PKHD1: variants seen among roughly 807,000 people sequenced by gnomAD.
PKHD1 encodes the protein fibrocystin.
PKHD1 carries 291 observed loss-of-function variants against 412.0 expected under a neutral mutation model. The ratio of observed to expected loss-of-function variants is 0.71; its 90% confidence interval spans 0.64 to 0.78. The LOEUF (loss-of-function observed/expected upper bound fraction) is 0.78, where lower values mean the gene tolerates loss of function less well. PKHD1 is among the 30% of genes least tolerant of loss of function. PKHD1 has a pLI of 0.00. For synonymous variants in PKHD1, 1,777 were observed against 1,821.5 expected, an observed-to-expected ratio of 0.98 and a Z score of 0.62; for missense variants, 4,825 against 4,950.7, an observed-to-expected ratio of 0.97 and a Z score of 0.76.
intron 60 of PKHD1, among the ~76,000 whole-genome samples, chr6:51,686,174 GT>G (rs1777413466): frequency 6.6e-6 from 1 of 152,090 alleles, no homozygotes; most frequent in South Asian, 2.1e-4. Context: ...AGGTGAGAAG[GT>G]TTTTGAACCC....
chr6:51,742,236 A>G (rs1216513818), intron 60 of PKHD1, among the ~76,000 whole-genome samples: 2 of 152,228 alleles, frequency 1.3e-5, no homozygotes, highest in Admixed American at 1.3e-4. Flanking sequence ...CAACCAACAC[A>G]TTAAAACGAA....
At chr6:51,634,287 G>C (rs1768265099) in intron 64 of PKHD1, among the ~76,000 whole-genome samples, 1 of 152,098 alleles carries the variant, frequency 6.6e-6, no homozygotes, top group Admixed American at 6.6e-5. Context: ...TCAATCTCTT[G>C]ACTTCTGGCT....
intron 21 of PKHD1, among the ~76,000 whole-genome samples, chr6:52,052,404 A>G (rs1807006872): frequency 6.6e-6 from 1 of 152,204 alleles, no homozygotes; most frequent in Admixed American, 6.5e-5. Context: ...TGGTCAAGGG[A>G]GAGTTCGGGA....
chr6:52,028,092 G>T, intron 30 of PKHD1, 64 bp downstream of exon 30: 1 of 1,492,508 alleles, frequency 6.7e-7, no homozygotes, highest in Non-Finnish European at 9.4e-7. Context: ...CTCAAAATTA[G>T]AATTACCTAG....
At chr6:51,958,020 C>A (rs1036958507) in intron 36 of PKHD1, among the ~76,000 whole-genome samples, 1 of 152,080 alleles carries the variant, frequency 6.6e-6, no homozygotes, top group African/African-American at 2.4e-5. Context: ...ACTCAATAAG[C>A]ATTCACAAAT....
intron 66 of PKHD1, among the ~76,000 whole-genome samples, chr6:51,624,605 T>TC (rs1767015045): frequency 1.3e-5 from 2 of 150,916 alleles, no homozygotes. Flanking sequence ...CAGGGGCGGG[T>TC]CTTTTTTTTC....
intron 55 of PKHD1, among the ~76,000 whole-genome samples, chr6:51,766,962 T>C (rs928281395): frequency 6.6e-6 from 1 of 151,864 alleles, no homozygotes; most frequent in Non-Finnish European, 1.5e-5. Context: ...TTACTTAAAT[T>C]TTCTTCAAAT....
At chr6:51,773,046 T>C (rs1790418070) in intron 54 of PKHD1, among the ~76,000 whole-genome samples, 1 of 151,980 alleles carries the variant, frequency 6.6e-6, no homozygotes, top group South Asian at 2.1e-4. Flanking sequence ...ATCTAAAAGG[T>C]GGGAAAATAG....
At position 51,659,488 on chromosome 6, in the gene PKHD1, GA is replaced by G. The variant is rs770461067; in HGVS notation, c.10637del (p.Val3546AlafsTer22). 70 of 1,613,472 alleles carry G rather than the reference GA, an allele frequency of 4.3e-5. No individual in the cohort carries two copies. The highest frequency in any genetic ancestry group is 5.8e-5 in the Non-Finnish European group (68 of 1,179,780). On this transcript the variant is annotated frameshift_variant, in exon 61 of 67. Coordinates refer to ENST00000371117, the MANE Select transcript of PKHD1 (RefSeq NM_138694.4). LOFTEE classifies it high-confidence loss of function. Reference protein sequence around the residue: ...FNIMDNLLYVVLQGEEPIEIR... With the variant: ...FNIMDNLLYVXLQGEEPIEIR... ...TTTCAATGGGCTCCTCTCCTTGTAG[GA>G]CAACATACAAGAGGTTATCCATGAT... is the stretch of plus-strand genomic sequence containing the variant.
intron 29 of PKHD1, among the ~76,000 whole-genome samples, chr6:52,028,797 C>T (rs895586300): frequency 2.0e-5 from 3 of 152,198 alleles, no homozygotes; most frequent in African/African-American, 7.2e-5. Flanking sequence ...CAGGGGTAAG[C>T]CACCTTGCCT....
chr6:51,729,710 C>T (rs1337433703), intron 60 of PKHD1, among the ~76,000 whole-genome samples: 3 of 152,090 alleles, frequency 2.0e-5, no homozygotes, highest in Admixed American at 2.0e-4. Context: ...CCCAACACTG[C>T]AAATTATCAC....
chr6:52,070,328 A>C lies in PKHD1; in HGVS notation c.707+78T>G, dbSNP rs192112393. The stretch of plus-strand genomic sequence containing the variant: ...TAACATTTTCCGTCATAAAAAGATA[A>C]AGAAAGTAAGCAAGATGAGAGAGAT... On this transcript the variant is annotated intron_variant, in intron 10 of 66. Transcript: ENST00000371117. 3.4e-5 allele frequency: 32 copies of C among 931,040 alleles called. No homozygotes were observed. The African/African-American group carries it at 4.6e-4, about 13-fold the overall frequency. 57.7% of individuals were successfully genotyped at this position (931,040 alleles called of 1,614,324 possible).
chr6:51,874,632 A>G (rs1375683848), intron 46 of PKHD1, among the ~76,000 whole-genome samples: 1 of 152,202 alleles, frequency 6.6e-6, no homozygotes, highest in African/African-American at 2.4e-5. Flanking sequence ...AAATTCTTTA[A>G]AAGTCTTAAT....
chr6:51,627,032 TG>T lies in PKHD1; in HGVS notation c.11749del (p.Gln3917LysfsTer14), dbSNP rs1375939258. Reference sequence around the variant, plus strand: ...CACAGTGTCTTCTTTTTTGGGCCCTTGTGATTCTCGGCGTTTGGATGAGATG... The same window carrying T: ...CACAGTGTCTTCTTTTTTGGGCCCTTTGATTCTCGGCGTTTGGATGAGATG... ...IHISSKRRES[Q>X]GPKKEDTVVG... On this transcript the variant is annotated frameshift_variant, in exon 66 of 67. Coordinates refer to ENST00000371117, the MANE Select transcript of PKHD1 (RefSeq NM_138694.4). LOFTEE classifies it low-confidence loss of function (END_TRUNC). The T allele has an allele frequency of 6.2e-7, 1 of 1,612,686 alleles. No homozygotes were observed. The highest frequency in any genetic ancestry group is 1.1e-5 in the South Asian group (1 of 91,056).
intron 35 of PKHD1, among the ~76,000 whole-genome samples, chr6:52,009,928 C>T (rs960180407): frequency 1.3e-5 from 2 of 152,038 alleles, no homozygotes; most frequent in Admixed American, 1.3e-4. Flanking sequence ...TCCCGCCAAG[C>T]TGAGGACGGC....
intron 33 of PKHD1, among the ~76,000 whole-genome samples, chr6:52,020,123 C>T (rs1307192729): frequency 6.6e-6 from 1 of 152,032 alleles, no homozygotes; most frequent in Non-Finnish European, 1.5e-5. Flanking sequence ...TTCAAAGCGA[C>T]CTTGGTAAAT....
intron 37 of PKHD1, among the ~76,000 whole-genome samples, chr6:51,915,816 G>T (rs958143756): frequency 1.3e-5 from 2 of 151,998 alleles, no homozygotes; most frequent in African/African-American, 4.8e-5. Context: ...CATGAAAGAT[G>T]CCTCATGGTG....
intron 43 of PKHD1, among the ~76,000 whole-genome samples, chr6:51,901,027 G>A (rs1781180901): frequency 6.6e-6 from 1 of 151,990 alleles, no homozygotes; most frequent in African/African-American, 2.4e-5. Flanking sequence ...AACAGGTGCT[G>A]GAGAGGATGT....
intron 42 of PKHD1, 101 bp downstream of exon 42, chr6:51,903,885 T>C (rs895992636): frequency 1.5e-5 from 10 of 668,666 alleles, no homozygotes; most frequent in South Asian, 2.2e-5. Flanking sequence ...GTATGCACAA[T>C]AAACTTAAGA....
Sources: allele counts gnomAD v4.1 joint callset (sites outside exome capture counted in the v4.1 genomes callset), GRCh38; gene constraint gnomAD v4.1.1; transcripts MANE v1.5; gene names NCBI Gene and HGNC (gene_info 2026-07-23, HGNC 2026-07-21).